The following FGGY variants were observed in gnomAD, a reference collection of about 807,000 sequenced individuals.
FGGY encodes the protein FGGY carbohydrate kinase domain-containing protein.
In FGGY, 72 loss-of-function variants were observed where a neutral mutation model predicts 71.3. The observed-to-expected ratio is 1.01, with a 90% CI of 0.84 to 1.23. The LOEUF is 1.23. Among genes scored for constraint, FGGY ranks in the 50% most tolerant of loss-of-function variants. FGGY has a pLI of 0.00. For missense variants in FGGY, 668 were observed against 682.3 expected (o/e 0.98, Z 0.23); for synonymous variants, 251 against 250.3 (o/e 1.00, Z -0.02).
chr1:59,552,074 C>A (rs1487020385), intron 7 of FGGY, among the ~76,000 whole-genome samples: 2 of 152,276 alleles, frequency 1.3e-5, no homozygotes, highest in African/African-American at 4.8e-5. Flanking sequence ...CAGCTACCAT[C>A]CCCAGGCTGG....
At chr1:59,733,932 A>T (rs530259638) in intron 14 of FGGY, among the ~76,000 whole-genome samples, 1 of 152,278 alleles carries the variant, frequency 6.6e-6, no homozygotes, top group African/African-American at 2.4e-5. Flanking sequence ...CTGGGTGATA[A>T]GAGAGCCACC....
intron 14 of FGGY, among the ~76,000 whole-genome samples, chr1:59,743,062 T>A (rs1042840748): frequency 1.3e-5 from 2 of 152,192 alleles, no homozygotes; most frequent in South Asian, 4.1e-4. Context: ...TTAACATGAT[T>A]TACAGGACCA....
At chr1:59,671,947 G>C (rs2097382428) in intron 13 of FGGY, among the ~76,000 whole-genome samples, 1 of 152,148 alleles carries the variant, frequency 6.6e-6, no homozygotes, top group African/African-American at 2.4e-5. Context: ...GTTCGCAAGG[G>C]GAGGGGCCTG....
intron 14 of FGGY, chr1:59,699,161 G>A (rs1021310883): frequency 2.7e-5 from 27 of 985,058 alleles, no homozygotes; most frequent in African/African-American, 1.6e-4. Context: ...TTTTAGTATC[G>A]TGAGCTTCAG....
At chr1:59,696,250 T>C (rs1328549156) in intron 14 of FGGY, among the ~76,000 whole-genome samples, 1 of 152,126 alleles carries the variant, frequency 6.6e-6, no homozygotes, top group Non-Finnish European at 1.5e-5. Flanking sequence ...ACGTCCTGGT[T>C]TATAGACACC....
At chr1:59,727,331 T>C (rs1007961190) in intron 14 of FGGY, among the ~76,000 whole-genome samples, 3 of 152,226 alleles carry the variant, frequency 2.0e-5, no homozygotes, top group Admixed American at 2.0e-4. Context: ...TTCACTATTA[T>C]GAATAGCATG....
At chr1:59,601,523 G>T (rs902385962) in intron 8 of FGGY, among the ~76,000 whole-genome samples, 1 of 152,120 alleles carries the variant, frequency 6.6e-6, no homozygotes, top group African/African-American at 2.4e-5. Flanking sequence ...ATGATCCTGG[G>T]CAATTTGCTT....
chr1:59,348,207 C>T (rs1436935170), intron 4 of FGGY, among the ~76,000 whole-genome samples: 1 of 152,114 alleles, frequency 6.6e-6, no homozygotes, highest in Non-Finnish European at 1.5e-5. Flanking sequence ...GGTTAATTAC[C>T]GTTCCAATGA....
intron 8 of FGGY, among the ~76,000 whole-genome samples, chr1:59,558,571 C>T (rs1367946662): frequency 6.6e-6 from 1 of 152,152 alleles, no homozygotes; most frequent in African/African-American, 2.4e-5. Flanking sequence ...ACAGAGATCA[C>T]ATACTTCTGA....
intron 1 of FGGY, among the ~76,000 whole-genome samples, chr1:59,313,328 C>T (rs1225067525): frequency 1.3e-5 from 2 of 152,138 alleles, no homozygotes; most frequent in East Asian, 3.9e-4. Context: ...TAACATTAGA[C>T]TGTCAGTTTG....
intron 8 of FGGY, among the ~76,000 whole-genome samples, chr1:59,578,167 G>GCA (rs1454374630): frequency 6.6e-6 from 1 of 152,118 alleles, no homozygotes; most frequent in African/African-American, 2.4e-5. Flanking sequence ...TGTGGGTCCA[G>GCA]CACAAGGGAG....
At chr1:59,668,026 C>G (rs1258909068) in intron 13 of FGGY, among the ~76,000 whole-genome samples, 1 of 152,070 alleles carries the variant, frequency 6.6e-6, no homozygotes, top group East Asian at 1.9e-4. Flanking sequence ...GAATTTGAGC[C>G]CTAAGACCCT....
chr1:59,659,269 C>T (rs900512841), intron 11 of FGGY, among the ~76,000 whole-genome samples: 3 of 152,080 alleles, frequency 2.0e-5, no homozygotes, highest in Non-Finnish European at 4.4e-5. Flanking sequence ...TGTCATAAGC[C>T]AATTGCAGTG....
At position 59,326,802 on chromosome 1, in the gene FGGY, A is replaced by G. The variant is rs545920564; in HGVS notation, c.201+5052A>G. Among the ~76,000 whole-genome samples the G allele has an allele frequency of 7.2e-5, 11 of 152,236 alleles. No homozygotes were observed. The South Asian group carries it at 2.1e-3, about 29-fold the overall frequency. ...CAACATCTATCACTCTACTACAGGC[A>G]TAATGATAAATTCAGTTCCAGAACA... On this transcript the variant is annotated intron_variant, in intron 2 of 15. Transcript: ENST00000303721.
intron 14 of FGGY, among the ~76,000 whole-genome samples, chr1:59,742,678 T>G (rs998043719): frequency 6.6e-6 from 1 of 152,198 alleles, no homozygotes; most frequent in African/African-American, 2.4e-5. Context: ...CCTGAAAAAT[T>G]GGCACTGTTC....
At chr1:59,468,008 GTTC>G (rs2092736676) in intron 6 of FGGY, among the ~76,000 whole-genome samples, 1 of 151,806 alleles carries the variant, frequency 6.6e-6, no homozygotes, top group Non-Finnish European at 1.5e-5. Flanking sequence ...GTTTCAAGTG[GTTC>G]TTCTGCCTCA....
intron 7 of FGGY, among the ~76,000 whole-genome samples, chr1:59,523,488 C>T (rs2094891843): frequency 6.6e-6 from 1 of 152,178 alleles, no homozygotes; most frequent in Non-Finnish European, 1.5e-5. Context: ...GCTGTGCATT[C>T]ATATCAGTCA....
At chr1:59,316,983 C>T (rs1468671430) in intron 1 of FGGY, among the ~76,000 whole-genome samples, 1 of 152,138 alleles carries the variant, frequency 6.6e-6, no homozygotes, top group Non-Finnish European at 1.5e-5. Flanking sequence ...ATTCATAATG[C>T]GGTCTTTGGA....
At chr1:59,503,795 C>T (rs895285865) in intron 6 of FGGY, among the ~76,000 whole-genome samples, 8 of 151,494 alleles carry the variant, frequency 5.3e-5, no homozygotes, top group Admixed American at 2.6e-4. Flanking sequence ...GGTTTTTGCC[C>T]ATGATTCCTG....
Sources: gnomAD v4.1 joint callset for allele counts (sites outside exome capture counted in the v4.1 genomes callset) on GRCh38, gnomAD v4.1.1 for gene constraint, MANE v1.5 for transcripts, NCBI Gene and HGNC (gene_info 2026-07-23, HGNC 2026-07-21) for gene names.